Variants in TRERF1 observed in about 807,000 individuals in gnomAD.
TRERF1 encodes transcriptional-regulating factor 1.
In TRERF1, 27 loss-of-function variants were observed where a neutral mutation model predicts 122.9. The ratio of observed to expected loss-of-function variants is 0.22; its 90% confidence interval spans 0.16 to 0.30. TRERF1 has a LOEUF of 0.30. TRERF1 is among the 10% of genes least tolerant of loss of function. TRERF1 has a pLI of 1.00. For synonymous variants in TRERF1, 636 were observed against 641.7 expected, an observed-to-expected ratio of 0.99 and a Z score of 0.13; for missense variants, 1,248 against 1,560.3, an observed-to-expected ratio of 0.80 and a Z score of 3.37.
At chr6:42,262,912 G>A (rs1194861092) in intron 8 of TRERF1, among the ~76,000 whole-genome samples, 1 of 152,208 alleles carries the variant, frequency 6.6e-6, no homozygotes, top group Admixed American at 6.5e-5. Flanking sequence ...AGATCCTGGG[G>A]AAGGGGCCAG....
chr6:42,319,812 CA>C (rs35939756), intron 3 of TRERF1, among the ~76,000 whole-genome samples: 60,119 of 114,312 alleles, frequency 0.53, 13,119 homozygotes, highest in Middle Eastern at 0.7. Context: ...GACTGTGTTT[CA>C]AAAAAAAAAA....
At chr6:42,369,177 C>T (rs1773312846) in intron 2 of TRERF1, among the ~76,000 whole-genome samples, 3 of 152,180 alleles carry the variant, frequency 2.0e-5, no homozygotes, top group South Asian at 2.1e-4. Context: ...AGGCCAGGCA[C>T]GGTGGCTCAC....
chr6:42,269,156 A>G lies in TRERF1; in HGVS notation c.435T>C (p.Ser145=), dbSNP rs753258398. ...TTTGGTTGGCAAACACCTGGGTGAA[A>G]GAGTCCAGCTTGTGTAAGACACCGC... Residue 145 remains serine, a synonymous_variant, in exon 5 of 18, where the codon TCT becomes TCC. Transcript: ENST00000372922. This position sits in a 1 kb window ranked among gnomAD's most constrained non-coding sequence, Gnocchi z 4.9. 2.5e-6 allele frequency: 4 copies of G among 1,614,208 alleles called. No homozygotes were observed. Among genetic ancestry groups the G allele is most frequent in the Non-Finnish European group, 3.4e-6 (4 of 1,180,032 alleles).
At chr6:42,410,542 A>G (rs1275562203) in intron 2 of TRERF1, among the ~76,000 whole-genome samples, 1 of 152,140 alleles carries the variant, frequency 6.6e-6, no homozygotes, top group Non-Finnish European at 1.5e-5. Context: ...TCCAAAACCC[A>G]AATCAAACAT....
At position 42,265,784 on chromosome 6, in the gene TRERF1, T is replaced by A. The variant is rs779619834; in HGVS notation, c.1451A>T (p.Asp484Val). 14 of 1,613,032 alleles carry A rather than the reference T, an allele frequency of 8.7e-6. No homozygotes were observed. In the African/African-American group the frequency reaches 1.6e-4, roughly 18 times the overall value. ...AGGGGACCCTGGCTGGGCTCTCCCATCAGGTAGGTGCATCTAATTTTGAGC... is the reference window on the plus strand; with the variant it reads ...AGGGGACCCTGGCTGGGCTCTCCCAACAGGTAGGTGCATCTAATTTTGAGC... Residue 484 changes from aspartate to valine, a missense_variant, in exon 6 of 18, where the codon GAT becomes GTT. Asp to Val is a radical substitution (Grantham distance 152). Coordinates refer to ENST00000372922, the Ensembl canonical transcript of TRERF1.
chr6:42,292,189 G>A (rs1031988827), intron 4 of TRERF1, among the ~76,000 whole-genome samples: 7 of 152,196 alleles, frequency 4.6e-5, no homozygotes, highest in Admixed American at 1.3e-4. Flanking sequence ...TTGTTTTGAC[G>A]TGGGTTACAG....
At chr6:42,432,153 C>T (rs541503250) in intron 2 of TRERF1, among the ~76,000 whole-genome samples, 2 of 152,258 alleles carry the variant, frequency 1.3e-5, no homozygotes, top group East Asian at 3.9e-4. Context: ...TGCCCTAGGG[C>T]TCTTGGGAGA....
At chr6:42,330,695 T>C (rs1485940080) in intron 3 of TRERF1, among the ~76,000 whole-genome samples, 1 of 151,944 alleles carries the variant, frequency 6.6e-6, no homozygotes, top group African/African-American at 2.4e-5. Flanking sequence ...TGAGACAGAG[T>C]CTCATTCTTT....
chr6:42,306,634 C>T (rs1304334886), intron 3 of TRERF1, among the ~76,000 whole-genome samples: 2 of 152,208 alleles, frequency 1.3e-5, no homozygotes, highest in Non-Finnish European at 2.9e-5. Context: ...CTCAGACACA[C>T]CAAGCTCTTT....
intron 16 of TRERF1, among the ~76,000 whole-genome samples, chr6:42,235,503 A>G (rs1771934165): frequency 6.6e-6 from 1 of 152,250 alleles, no homozygotes; most frequent in Non-Finnish European, 1.5e-5. Context: ...TAGTGCTAAG[A>G]ATGACCACAT....
chr6:42,361,859 G>A (rs1006704456), intron 3 of TRERF1, among the ~76,000 whole-genome samples: 4 of 152,206 alleles, frequency 2.6e-5, no homozygotes, highest in African/African-American at 7.2e-5. Context: ...GGCTCTGACT[G>A]AGGCTGCCTA....
intron 2 of TRERF1, among the ~76,000 whole-genome samples, chr6:42,428,703 C>T (rs1236490720): frequency 3.3e-5 from 5 of 152,212 alleles, no homozygotes; most frequent in Admixed American, 2.0e-4. Flanking sequence ...GCCTTGAGGC[C>T]TAGAACCAAC....
chr6:42,242,376 T>C (rs1270099204), intron 15 of TRERF1, among the ~76,000 whole-genome samples: 2 of 151,860 alleles, frequency 1.3e-5, no homozygotes, highest in Admixed American at 6.6e-5. Flanking sequence ...TGGGGCACAA[T>C]TGGGAATGAA....
Position 42,228,600 on chromosome 6 carries a change from C to A in TRERF1, c.3348G>T (p.Arg1116Ser), listed in dbSNP as rs773813300. 4.3e-6 allele frequency: 7 copies of A among 1,614,200 alleles called. No individual in the cohort carries two copies. The highest frequency in any genetic ancestry group is 5.9e-6 in the Non-Finnish European group (7 of 1,180,040). ...CAAAAGCCGCCTTCTGAGCCTTTTG[C>A]CTCTGTTGTTCCTCCTGCTGCCTGT... Residue 1116 changes from arginine to serine, a missense_variant, in exon 18 of 18, where the codon AGG becomes AGT. Physicochemically the swap from Arg to Ser is moderately radical, Grantham distance 110 (BLOSUM62 -1). Transcript: ENST00000372922. This position sits in a 1 kb window ranked among gnomAD's most constrained non-coding sequence, Gnocchi z 4.2.
chr6:42,408,230 T>G (rs1780503562), intron 2 of TRERF1, among the ~76,000 whole-genome samples: 1 of 111,468 alleles, frequency 9.0e-6, no homozygotes, highest in African/African-American at 4.4e-5. Flanking sequence ...TATATATATG[T>G]GTGTGTGTAT....
intron 2 of TRERF1, among the ~76,000 whole-genome samples, chr6:42,409,447 T>C (rs1407900355): frequency 6.6e-6 from 1 of 152,230 alleles, no homozygotes; most frequent in African/African-American, 2.4e-5. Context: ...TCCTTTGATA[T>C]GCATGTCCAC....
In TRERF1 at chr6:42,357,054, G is replaced by C. The variant is rs148539893; in HGVS notation, c.-371+5943C>G. Among the ~76,000 whole-genome samples the C allele has an allele frequency of 2.4e-4, 37 of 152,146 alleles. No homozygotes were observed. The East Asian group carries it at 6.0e-3, about 25-fold the overall frequency. ...ACAAATTAAGACCCAATGTTGGCTGGGTGCGGTGACTCACGCCTGTAATCC... is the reference window on the plus strand; with the variant it reads ...ACAAATTAAGACCCAATGTTGGCTGCGTGCGGTGACTCACGCCTGTAATCC... On this transcript the variant is annotated intron_variant, in intron 3 of 17. Coordinates refer to ENST00000372922, the Ensembl canonical transcript of TRERF1.
At position 42,269,769 on chromosome 6, in the gene TRERF1, G is replaced by A. The variant is rs1304556870; in HGVS notation, c.-179C>T. 172 of 1,434,372 alleles carry A rather than the reference G, an allele frequency of 1.2e-4. No individual in the cohort carries two copies. The highest frequency in any genetic ancestry group is 1.5e-4 in the Non-Finnish European group (163 of 1,099,048). The allele number at this position is 1,434,372 out of a possible 1,614,324, so 88.9% of individuals were successfully genotyped here. A position where few individuals can be genotyped will look rare whatever the true frequency, so the allele number is the denominator to read the frequency against. On this transcript the variant is annotated 5_prime_UTR_variant, in exon 5 of 18. Coordinates refer to ENST00000372922, the Ensembl canonical transcript of TRERF1. The surrounding 1 kb of genome is among the most constrained non-coding windows in gnomAD (Gnocchi z 4.9). ...TCCTGTTGGCCTGTACCACTCATGTGCAGGGCGGGGGGTTTCACATCCTCT... is the reference window on the plus strand; with the variant it reads ...TCCTGTTGGCCTGTACCACTCATGTACAGGGCGGGGGGTTTCACATCCTCT...
chr6:42,287,681 C>G (rs1004480978), intron 4 of TRERF1, among the ~76,000 whole-genome samples: 2 of 152,164 alleles, frequency 1.3e-5, no homozygotes, highest in South Asian at 2.1e-4. Context: ...AGGGGCCCAC[C>G]ACCTCCCCAT....
Sources: allele counts gnomAD v4.1 joint callset (sites outside exome capture counted in the v4.1 genomes callset), GRCh38; gene constraint gnomAD v4.1.1; non-coding constraint Gnocchi (gnomAD v3.1); transcripts MANE v1.5; gene names NCBI Gene and HGNC (gene_info 2026-07-23, HGNC 2026-07-21).